Variants in DPP10 observed in about 807,000 individuals in gnomAD.
The protein encoded by DPP10 is dipeptidyl peptidase like 10, also known as inactive dipeptidyl peptidase 10.
A neutral mutation model predicts 120.9 loss-of-function variants in DPP10; 33 were observed. That is an observed-to-expected ratio of 0.27 (90% CI 0.21 to 0.37). DPP10 has a LOEUF of 0.37. Ranked by LOEUF, DPP10 falls within the 10% of genes least tolerant of loss-of-function variation. The pLI is 1.00. For synonymous variants in DPP10, 337 were observed against 326.1 expected (o/e 1.03, Z -0.36); for missense variants, 816 against 942.8 (o/e 0.87, Z 1.76).
intron 1 of DPP10, among the ~76,000 whole-genome samples, chr2:114,905,971 C>A (rs551494123): frequency 3.3e-5 from 5 of 152,274 alleles, no homozygotes; most frequent in African/African-American, 1.2e-4. Context: ...TATATAAAAT[C>A]ATGTTAACTA....
At chr2:115,284,846 C>A (rs2060301092) in intron 1 of DPP10, among the ~76,000 whole-genome samples, 1 of 151,800 alleles carries the variant, frequency 6.6e-6, no homozygotes. Flanking sequence ...GATTATTGGC[C>A]CTTATTCTTC....
At chr2:114,579,301 A>G (rs1690303915) in intron 1 of DPP10, among the ~76,000 whole-genome samples, 1 of 152,216 alleles carries the variant, frequency 6.6e-6, no homozygotes, top group South Asian at 2.1e-4. Flanking sequence ...CTCAGCGCCC[A>G]CAGCTCAGTG....
At chr2:115,663,001 C>CT (rs2089132364) in intron 5 of DPP10, among the ~76,000 whole-genome samples, 1 of 137,038 alleles carries the variant, frequency 7.3e-6, no homozygotes, top group African/African-American at 2.6e-5. Context: ...TTTATTTTAT[C>CT]TTTTTTTACA....
intron 3 of DPP10, among the ~76,000 whole-genome samples, chr2:115,389,246 T>C (rs1166856954): frequency 6.9e-6 from 1 of 145,702 alleles, no homozygotes; most frequent in Non-Finnish European, 1.5e-5. Context: ...AGTTAGGTGC[T>C]TTTATGCTTT....
chr2:115,353,755 A>G (rs1320452762), intron 3 of DPP10, among the ~76,000 whole-genome samples: 1 of 152,172 alleles, frequency 6.6e-6, no homozygotes, highest in Non-Finnish European at 1.5e-5. Context: ...CTTGAGAAGC[A>G]GGTTTTTTCC....
At chr2:114,766,691 T>TG (rs1680731669) in intron 1 of DPP10, among the ~76,000 whole-genome samples, 1 of 152,158 alleles carries the variant, frequency 6.6e-6, no homozygotes, top group African/African-American at 2.4e-5. Flanking sequence ...TATTACAAAT[T>TG]GTATAATTTC....
intron 1 of DPP10, among the ~76,000 whole-genome samples, chr2:114,682,029 T>C (rs1699060716): frequency 6.6e-6 from 1 of 151,940 alleles, no homozygotes; most frequent in South Asian, 2.1e-4. Flanking sequence ...TGTCAATTGT[T>C]CAGTCCCATC....
At chr2:114,858,926 A>T (rs1173435637) in intron 1 of DPP10, among the ~76,000 whole-genome samples, 1 of 152,186 alleles carries the variant, frequency 6.6e-6, no homozygotes, top group Non-Finnish European at 1.5e-5. Context: ...GACTCTCCCC[A>T]CATGGAGTCT....
intron 3 of DPP10, among the ~76,000 whole-genome samples, chr2:115,461,741 G>T (rs938675407): frequency 6.6e-6 from 1 of 152,068 alleles, no homozygotes; most frequent in African/African-American, 2.4e-5. Flanking sequence ...ATGATAATGT[G>T]TACCAGTACT....
intron 1 of DPP10, among the ~76,000 whole-genome samples, chr2:114,671,218 A>C (rs903636076): frequency 2.0e-5 from 3 of 152,166 alleles, no homozygotes; most frequent in Non-Finnish European, 4.4e-5. Flanking sequence ...CTAAAGACTT[A>C]GGAGGCTATA....
chr2:115,441,159 T>C (rs1160879669), intron 3 of DPP10, among the ~76,000 whole-genome samples: 3 of 151,824 alleles, frequency 2.0e-5, no homozygotes. Flanking sequence ...GATTTTGAGG[T>C]TAAATAATAA....
chr2:114,574,515 AG>A (rs1355238982), intron 1 of DPP10, among the ~76,000 whole-genome samples: 3 of 152,190 alleles, frequency 2.0e-5, no homozygotes, highest in Non-Finnish European at 4.4e-5. Context: ...TGAAGAGGAA[AG>A]GTAGCTGGTT....
intron 1 of DPP10, among the ~76,000 whole-genome samples, chr2:115,107,074 C>T (rs935361519): frequency 2.5e-5 from 2 of 81,288 alleles, no homozygotes; most frequent in South Asian, 3.9e-4. Context: ...GGCTCTGTCT[C>T]AAAAAAAAAA....
intron 1 of DPP10, among the ~76,000 whole-genome samples, chr2:114,905,192 A>G (rs1044774578): frequency 1.3e-5 from 2 of 151,406 alleles, no homozygotes; most frequent in African/African-American, 2.4e-5. Flanking sequence ...ACACTTTAGT[A>G]TTATCTTGCC....
At chr2:114,596,926 C>T (rs549687729) in intron 1 of DPP10, among the ~76,000 whole-genome samples, 1 of 151,952 alleles carries the variant, frequency 6.6e-6, no homozygotes, top group East Asian at 1.9e-4. Context: ...TTATATGTAG[C>T]CATTGTCCTA....
intron 3 of DPP10, among the ~76,000 whole-genome samples, chr2:115,495,656 A>G (rs974856529): frequency 1.3e-5 from 2 of 152,138 alleles, no homozygotes; most frequent in African/African-American, 4.8e-5. Context: ...TCTTTTTGTC[A>G]GCCAAATTAT....
At chr2:115,068,481 G>A (rs371056043) in intron 1 of DPP10, among the ~76,000 whole-genome samples, 2 of 152,162 alleles carry the variant, frequency 1.3e-5, no homozygotes, top group South Asian at 2.1e-4. Flanking sequence ...ATCTCTCATT[G>A]TATATATGGC....
intron 1 of DPP10, among the ~76,000 whole-genome samples, chr2:114,496,549 G>A (rs1243978935): frequency 2.0e-5 from 3 of 151,966 alleles, no homozygotes; most frequent in Non-Finnish European, 4.4e-5. Context: ...AGTCTCTCTC[G>A]GGCCTCTTTT....
chr2:114,703,818 A>T (rs1700525914), intron 1 of DPP10, among the ~76,000 whole-genome samples: 1 of 152,154 alleles, frequency 6.6e-6, no homozygotes, highest in Non-Finnish European at 1.5e-5. Context: ...CTCAATCTTC[A>T]TTATTCTCAA....
Sources: allele counts gnomAD v4.1 joint callset (sites outside exome capture counted in the v4.1 genomes callset), GRCh38; gene constraint gnomAD v4.1.1; transcripts MANE v1.5; gene names NCBI Gene and HGNC (gene_info 2026-07-23, HGNC 2026-07-21).